Variants in ZNF536 observed in about 807,000 individuals in gnomAD.
ZNF536 encodes the protein zinc finger protein 536.
A neutral mutation model predicts 84.5 loss-of-function variants in ZNF536; 13 were observed. The observed-to-expected ratio is 0.15, with a 90% CI of 0.10 to 0.24. The LOEUF is 0.24. ZNF536 is among the 10% of genes least tolerant of loss of function. The pLI is 1.00. For synonymous variants in ZNF536, 811 were observed against 742.5 expected (o/e 1.09, Z -1.50); for missense variants, 1,536 against 1,747.5 (o/e 0.88, Z 2.16).
At position 30,444,736 on chromosome 19, in the gene ZNF536, A is replaced by C. The variant is rs779579235; in HGVS notation, c.1174A>C (p.Met392Leu). ...GGAGCCCTGGTTCCTCAAGAACCAC[A>C]TGAAGGTCCACCTCAACAAGCTGTC... Reference protein sequence around the residue: ...FKEPWFLKNHMKVHLNKLSVK... With the variant: ...FKEPWFLKNHLKVHLNKLSVK... Residue 392 changes from methionine (M) to leucine (L), a missense_variant, in exon 2 of 5, where the codon ATG becomes CTG. Met to Leu is a conservative substitution (Grantham distance 15). Transcript: ENST00000355537. The C allele has an allele frequency of 6.2e-7, 1 of 1,613,986 alleles. No individual in the cohort carries two copies. The highest frequency in any genetic ancestry group is 1.3e-5 in the African/African-American group (1 of 75,076).
At chr19:30,675,544 T>C (rs1415739169) in intron 1 of ZNF536, among the ~76,000 whole-genome samples, 3 of 152,132 alleles carry the variant, frequency 2.0e-5, no homozygotes, top group African/African-American at 7.2e-5. Flanking sequence ...CCATGGCTTA[T>C]CACGAAAGGA....
intron 1 of ZNF536, among the ~76,000 whole-genome samples, chr19:30,428,650 A>C (rs972097968): frequency 6.6e-6 from 1 of 151,762 alleles, no homozygotes; most frequent in African/African-American, 2.4e-5. Context: ...TCCATAGGAC[A>C]TAACTTCTGG....
At chr19:30,274,714 A>G (rs895854220) in intron 1 of ZNF536, among the ~76,000 whole-genome samples, 1 of 152,174 alleles carries the variant, frequency 6.6e-6, no homozygotes, top group African/African-American at 2.4e-5. Flanking sequence ...CACCCAGGTA[A>G]TCAGCATGAC....
At chr19:30,524,148 G>A (rs1377930390) in intron 2 of ZNF536, among the ~76,000 whole-genome samples, 1 of 152,200 alleles carries the variant, frequency 6.6e-6, no homozygotes, top group Non-Finnish European at 1.5e-5. Flanking sequence ...AATGGTGTGT[G>A]TGTCTCTCAT....
chr19:30,595,668 A>C (rs915559121), intron 1 of ZNF536, among the ~76,000 whole-genome samples: 1 of 152,160 alleles, frequency 6.6e-6, no homozygotes, highest in Admixed American at 6.5e-5. Flanking sequence ...TTCTCCAAGC[A>C]GTTTTTGTGG....
At chr19:30,364,944 G>T (rs2146935408) in intron 3 of ZNF536, among the ~76,000 whole-genome samples, 1 of 152,340 alleles carries the variant, frequency 6.6e-6, no homozygotes, top group Non-Finnish European at 1.5e-5. Context: ...TCAGTTCCAA[G>T]AGTAAAATGT....
chr19:30,475,984 T>C (rs908531787), intron 2 of ZNF536, among the ~76,000 whole-genome samples: 4 of 152,310 alleles, frequency 2.6e-5, no homozygotes, highest in Admixed American at 6.5e-5. Context: ...CTGATGATTT[T>C]TGAGCCCCAT....
chr19:30,280,298 ATCCTTCTC>A (rs1291019229), intron 1 of ZNF536, among the ~76,000 whole-genome samples: 13 of 145,800 alleles, frequency 8.9e-5, no homozygotes, highest in African/African-American at 2.6e-4. Flanking sequence ...ATCCATCTTC[ATCCTTCTC>A]TCCTTCTCTC....
At chr19:30,462,283 C>T (rs2053173629) in intron 2 of ZNF536, among the ~76,000 whole-genome samples, 1 of 149,124 alleles carries the variant, frequency 6.7e-6, no homozygotes, top group South Asian at 2.1e-4. Flanking sequence ...AGGTTCTTTT[C>T]TTGTGATTTT....
chr19:30,519,798 T>C (rs1335113556), intron 2 of ZNF536, among the ~76,000 whole-genome samples: 1 of 152,198 alleles, frequency 6.6e-6, no homozygotes, highest in South Asian at 2.1e-4. Context: ...TTGAACACAC[T>C]GTGCCAGGAG....
intron 1 of ZNF536, among the ~76,000 whole-genome samples, chr19:30,385,273 A>G (rs2049291484): frequency 6.6e-6 from 1 of 152,142 alleles, no homozygotes; most frequent in Non-Finnish European, 1.5e-5. Flanking sequence ...GCAACCGCCC[A>G]GAGACTGAGG....
chr19:30,332,548 C>T (rs192260587), intron 2 of ZNF536, among the ~76,000 whole-genome samples: 1 of 152,274 alleles, frequency 6.6e-6, no homozygotes, highest in East Asian at 1.9e-4. Flanking sequence ...CTCAAATATC[C>T]CCTCCTCAGA....
intron 1 of ZNF536, among the ~76,000 whole-genome samples, chr19:30,699,842 G>A (rs1378137352): frequency 1.3e-5 from 2 of 152,154 alleles, no homozygotes; most frequent in African/African-American, 4.8e-5. Flanking sequence ...AGGTCCCCAA[G>A]TGAAGACCAG....
At chr19:30,402,796 A>AATATATATATATATATATAT (rs869301101) in intron 1 of ZNF536, among the ~76,000 whole-genome samples, 16 of 85,592 alleles carry the variant, frequency 1.9e-4, no homozygotes, top group South Asian at 9.0e-4. Flanking sequence ...AAAATTAAAA[A>AATATATATATATATATATAT]ATATATATAT....
chr19:30,356,225 G>A lies in ZNF536; in HGVS notation c.-3+3741G>A, dbSNP rs113022323. 2.3e-3 allele frequency among the ~76,000 whole-genome samples: 348 copies of A among 152,324 alleles called. 2 individuals are homozygous for A. The highest frequency in any genetic ancestry group is 8.0e-3 in the African/African-American group (333 of 41,572). ...GCTTTATCCTTTAGAAAGACCTCAT[G>A]TTCAGGTTGGGAGGCCCAGTGACTT... is the stretch of plus-strand genomic sequence containing the variant. On this transcript the variant is annotated intron_variant, in intron 3 of 5. Transcript: ENST00000585628.
chr19:30,667,625 C>CTTTT (rs57656065), intron 1 of ZNF536, among the ~76,000 whole-genome samples: 2 of 124,008 alleles, frequency 1.6e-5, no homozygotes, highest in African/African-American at 3.2e-5. Context: ...TTTTTTCTAG[C>CTTTT]TTTTTTTTTT....
At chr19:30,229,571 T>TGGA in intron 1 of ZNF536, among the ~76,000 whole-genome samples, 1 of 151,486 alleles carries the variant, frequency 6.6e-6, no homozygotes, top group African/African-American at 2.4e-5. Flanking sequence ...CTGCGGGTGG[T>TGGA]GGGGGGGGCT....
intron 1 of ZNF536, among the ~76,000 whole-genome samples, chr19:30,420,941 T>C (rs981090251): frequency 3.9e-5 from 6 of 152,176 alleles, no homozygotes; most frequent in Non-Finnish European, 7.3e-5. Context: ...TTTGCATGTG[T>C]GTGTTTTTTG....
intron 2 of ZNF536, among the ~76,000 whole-genome samples, chr19:30,460,535 G>A (rs1407118840): frequency 6.6e-6 from 1 of 152,166 alleles, no homozygotes; most frequent in Non-Finnish European, 1.5e-5. Context: ...ACATGGGTCA[G>A]CGAGTTCTTT....
Sources: gnomAD v4.1 joint callset for allele counts (sites outside exome capture counted in the v4.1 genomes callset) on GRCh38, gnomAD v4.1.1 for gene constraint, MANE v1.5 for transcripts, NCBI Gene and HGNC (gene_info 2026-07-23, HGNC 2026-07-21) for gene names.